The following PDHA1 variants were observed in gnomAD, a reference collection of about 807,000 sequenced individuals.
The protein encoded by PDHA1 is pyruvate dehydrogenase E1 subunit alpha 1.
In PDHA1, 1 loss-of-function variant was observed where a neutral mutation model predicts 33.0. That is an observed-to-expected ratio of 0.03 (90% CI 0.01 to 0.14). The LOEUF (loss-of-function observed/expected upper bound fraction) is 0.14, where lower values mean the gene tolerates loss of function less well. PDHA1 is among the 10% of genes least tolerant of loss of function. The pLI, the probability that PDHA1 is intolerant of heterozygous loss-of-function variation, is 1.00. For missense variants in PDHA1, 168 were observed against 325.1 expected, an observed-to-expected ratio of 0.52 and a Z score of 3.72; for synonymous variants, 123 against 119.2, an observed-to-expected ratio of 1.03 and a Z score of -0.21.
chrX:19,359,619 C>T lies in PDHA1; in HGVS notation c.1139C>T (p.Ala380Val). 1 of 1,210,884 alleles carries T rather than the reference C, an allele frequency of 8.3e-7. No individual in the cohort carries two copies. The highest frequency in any genetic ancestry group is 1.1e-6 in the Non-Finnish European group (1 of 895,015). The change falls in exon 11 of 11, where the codon GCC becomes GTC. Residue 380 changes from alanine (A) to valine (V), a missense_variant. Ala to Val is a moderately conservative substitution (Grantham distance 64). This residue lies in a region of PDHA1 where 58 missense variants were observed against 63.4 expected (regional missense o/e 0.92). Coordinates refer to ENST00000422285, the MANE Select transcript of PDHA1 (RefSeq NM_000284.4). The part of the protein sequence containing the change: ...SSDPPFEVRG[A>V]NQWIKFKSVS Reference sequence around the variant, plus strand: ...GACCCACCTTTTGAAGTTCGTGGTGCCAATCAGTGGATCAAGTTTAAGTCA... The same window carrying T: ...GACCCACCTTTTGAAGTTCGTGGTGTCAATCAGTGGATCAAGTTTAAGTCA...
rs1370940145 is a variant in PDHA1 at position 19,351,394 on chromosome X, C to T, written c.405C>T (p.Leu135=). ...FTRGLSVREI[L]AELTGRKGGC... ...GGGGCCTTTCCGTCCGAGAAATTCT[C>T]GCAGAGCTTACAGGTTTGCTGTTGA... Residue 135 remains leucine (L), a synonymous_variant, in exon 4 of 11, where the codon CTC becomes CTT. Coordinates refer to ENST00000422285, the MANE Select transcript of PDHA1 (RefSeq NM_000284.4). The T allele has an allele frequency of 2.5e-6, 3 of 1,207,539 alleles. No individual in the cohort carries two copies. Among genetic ancestry groups the T allele is most frequent in the Admixed American group, 2.2e-5 (1 of 45,684 alleles).
chrX:19,354,466 C>T, intron 5 of PDHA1, 25 bp from the exon 6 acceptor site: 1 of 990,923 alleles, frequency 1.0e-6, no homozygotes, highest in Non-Finnish European at 1.4e-6. Context: ...TCTGTGGTTC[C>T]TTTCTCGGTT....
chrX:19,356,938 G>A (rs1463325254), intron 8 of PDHA1, among the ~76,000 whole-genome samples: 1 of 111,574 alleles, frequency 9.0e-6, no homozygotes, highest in African/African-American at 3.3e-5. Context: ...TAGAATGAGC[G>A]AGCCCAACTG....
intron 5 of PDHA1, chrX:19,353,447 C>T: frequency 2.5e-6 from 1 of 394,545 alleles, no homozygotes. Flanking sequence ...AGTAGAGTCA[C>T]ATGCTGTGCA....
chrX:19,355,259 C>T, intron 6 of PDHA1, 90 bp from the exon 7 acceptor site: 3 of 1,066,248 alleles, frequency 2.8e-6, no homozygotes, highest in Non-Finnish European at 2.6e-6. Context: ...TTTATGAAAG[C>T]TTTCTGTGCC....
At chrX:19,351,071 G>C (rs759562280) in intron 3 of PDHA1, among the ~76,000 whole-genome samples, 8 of 112,033 alleles carry the variant, frequency 7.1e-5, no homozygotes, top group Non-Finnish European at 1.3e-4. Context: ...CATCATACAG[G>C]AGAAAGGAAG....
rs2063264432 is a variant in PDHA1 at position 19,360,193 on chromosome X, T to C, written c.*540T>C. On this transcript the variant is annotated 3_prime_UTR_variant, in exon 11 of 11. Coordinates refer to ENST00000422285, the MANE Select transcript of PDHA1 (RefSeq NM_000284.4). ...TCTCTACTTACACATTCAGTATAAA[T>C]ATGAAGCTATTTTCTGTTCATATCA... The C allele has an allele frequency of 7.0e-6, 1 of 142,460 alleles. No individual in the cohort carries two copies. The highest frequency in any genetic ancestry group is 1.4e-5 in the Non-Finnish European group (1 of 71,839). The allele number at this position is 142,460 out of a possible 1,213,427, so 11.7% of individuals were successfully genotyped here.
At chrX:19,355,904 G>T (rs1048993665) in intron 8 of PDHA1, 147 bp downstream of exon 8, 2 of 509,492 alleles carry the variant, frequency 3.9e-6, no homozygotes, top group African/African-American at 4.6e-5. Flanking sequence ...GGGCTCCTTT[G>T]GGTAGCTTGG....
At chrX:19,345,572 T>TA (rs11318265) in intron 1 of PDHA1, among the ~76,000 whole-genome samples, 914 of 30,253 alleles carry the variant, frequency 0.03, 25 homozygotes, top group Middle Eastern at 0.081. Context: ...CTCCGTATTT[T>TA]AAAAAAAAAA....
chrX:19,347,845 TG>T (rs951103120), intron 1 of PDHA1, among the ~76,000 whole-genome samples: 7 of 112,863 alleles, frequency 6.2e-5, no homozygotes, highest in African/African-American at 2.2e-4. Flanking sequence ...ATTAGTGGAC[TG>T]TCTCTGCCTG....
intron 10 of PDHA1, 69 bp downstream of exon 10, chrX:19,359,093 GT>G (rs1372865989): frequency 3.3e-6 from 2 of 607,604 alleles, no homozygotes; most frequent in Non-Finnish European, 5.7e-6. Context: ...TGGCCACAGA[GT>G]TTGTGTGGGT....
intron 8 of PDHA1, 28 bp downstream of exon 8, chrX:19,355,785 T>G: frequency 9.1e-7 from 1 of 1,096,212 alleles, no homozygotes; most frequent in African/African-American, 1.8e-5. Flanking sequence ...TCTGGGCTAG[T>G]GACATTTATC....
rs755312709 is a variant in PDHA1, at chrX:19,358,896, C to CTACTT, written c.900-18_900-14dup. 35 of 953,078 alleles carry CTACTT rather than the reference C, an allele frequency of 3.7e-5. No homozygotes were observed. The highest frequency in any genetic ancestry group is 2.6e-4 in the Middle Eastern group (1 of 3,841). 78.5% of individuals were successfully genotyped at this position (953,078 alleles called of 1,213,427 possible). On this transcript the variant is annotated intron_variant, in intron 9 of 10. Transcript: ENST00000422285. ...TGGAACTGCTCTTACTGATCGATTACTACTTTTCCCTCCCCATAGTTACCG... is the reference window on the plus strand; with the variant it reads ...TGGAACTGCTCTTACTGATCGATTACTACTTTACTTTTCCCTCCCCATAGTTACCG...
intron 1 of PDHA1, chrX:19,346,652 T>C (rs1366986891): frequency 3.2e-6 from 3 of 924,097 alleles, no homozygotes; most frequent in Non-Finnish European, 4.1e-6. Context: ...GGCTTAAAGA[T>C]TGCCATTGTC....
chrX:19,349,793 CAG>C, intron 2 of PDHA1, 142 bp from the exon 3 acceptor site: 3 of 505,550 alleles, frequency 5.9e-6, no homozygotes, highest in Non-Finnish European at 1.1e-5. Context: ...ATTTAAGGAA[CAG>C]AGGCGATATG....
At chrX:19,345,572 T>TAAAAAAAAAA (rs11318265) in intron 1 of PDHA1, among the ~76,000 whole-genome samples, 14 of 30,265 alleles carry the variant, frequency 4.6e-4, no homozygotes, top group African/African-American at 9.5e-4. Flanking sequence ...CTCCGTATTT[T>TAAAAAAAAAA]AAAAAAAAAA....
chrX:19,359,240 T>C (rs2063238182), intron 10 of PDHA1, among the ~76,000 whole-genome samples: 1 of 112,000 alleles, frequency 8.9e-6, no homozygotes, highest in Admixed American at 9.5e-5. Context: ...TTTGGTGGAC[T>C]GTGAACCACC....
chrX:19,350,846 A>T (rs1313145209), intron 3 of PDHA1, among the ~76,000 whole-genome samples: 1 of 111,695 alleles, frequency 9.0e-6, no homozygotes, highest in Admixed American at 9.5e-5. Context: ...AGGTATACAA[A>T]ACAGAAAATG....
rs776360150 is a variant in PDHA1, at chrX:19,359,597, C to T, written c.1117C>T (p.Pro373Ser). 5 of 1,211,253 alleles carry T rather than the reference C, an allele frequency of 4.1e-6. No homozygotes were observed. Among genetic ancestry groups the T allele is most frequent in the South Asian group, 1.8e-5 (1 of 56,967 alleles). ...ELGYHIYSSD[P>S]PFEVRGANQW... ...GGGCTACCACATCTACTCCAGCGAC[C>T]CACCTTTTGAAGTTCGTGGTGCCAA... is the stretch of plus-strand genomic sequence containing the variant. Residue 373 changes from proline (P) to serine (S), a missense_variant, in exon 11 of 11, where the codon CCA (proline) becomes TCA (serine). Pro to Ser is a moderately conservative substitution (Grantham distance 74, BLOSUM62 -1). Transcript: ENST00000422285.
Sources: gnomAD v4.1 joint callset for allele counts (sites outside exome capture counted in the v4.1 genomes callset) on GRCh38, gnomAD v4.1.1 for gene constraint, gnomAD v4.1.1 regional missense constraint, MANE v1.5 for transcripts, NCBI Gene and HGNC (gene_info 2026-07-23, HGNC 2026-07-21) for gene names.